Variants in RANBP2 observed in about 807,000 individuals in gnomAD.
The protein encoded by RANBP2 is E3 SUMO-protein ligase RanBP2.
A neutral mutation model predicts 303.6 loss-of-function variants in RANBP2; 57 were observed. That is an observed-to-expected ratio of 0.19 (90% CI 0.15 to 0.23). RANBP2 has a LOEUF of 0.23. Among genes scored for constraint, RANBP2 ranks in the 10% least tolerant of loss-of-function variants. The pLI, the probability that RANBP2 is intolerant of heterozygous loss-of-function variation, is 1.00. For synonymous variants in RANBP2, 1,167 were observed against 1,301.5 expected, an observed-to-expected ratio of 0.90 and a Z score of 2.23; for missense variants, 3,138 against 3,780.8, an observed-to-expected ratio of 0.83 and a Z score of 4.46.
At chr2:109,290,392 C>T in the RANBP2 span, among the ~76,000 whole-genome samples, 1 of 152,206 alleles carries the variant, frequency 6.6e-6, no homozygotes, top group Non-Finnish European at 1.5e-5. Flanking sequence ...ACCATAAATA[C>T]TCAAAGTCCC....
At chr2:109,002,589 CCCAG>C in the RANBP2 span, among the ~76,000 whole-genome samples, 2 of 152,192 alleles carry the variant, frequency 1.3e-5, no homozygotes, top group South Asian at 4.1e-4. Flanking sequence ...CACAACCTGG[CCCAG>C]CCATCTCTCT....
the RANBP2 span, among the ~76,000 whole-genome samples, chr2:109,383,814 A>G: frequency 6.6e-6 from 1 of 152,114 alleles, no homozygotes; most frequent in African/African-American, 2.4e-5. Flanking sequence ...CATCAGCCGC[A>G]TTTTCCAGAC....
the RANBP2 span, among the ~76,000 whole-genome samples, chr2:109,522,907 G>A: frequency 1.3e-5 from 2 of 152,226 alleles, no homozygotes; most frequent in Non-Finnish European, 2.9e-5. Flanking sequence ...CAAAATACTC[G>A]TGTGTTTAGA....
At chr2:108,959,078 G>A in the RANBP2 span, among the ~76,000 whole-genome samples, 3 of 152,224 alleles carry the variant, frequency 2.0e-5, no homozygotes, top group African/African-American at 4.8e-5. Flanking sequence ...CCAGAAAAAC[G>A]TGTATCAACA....
the RANBP2 span, among the ~76,000 whole-genome samples, chr2:109,512,784 C>T: frequency 6.6e-6 from 1 of 152,224 alleles, no homozygotes; most frequent in African/African-American, 2.4e-5. Context: ...CCCTGGGTGC[C>T]CCAAGACCTA....
chr2:109,298,735 T>G, the RANBP2 span, among the ~76,000 whole-genome samples: 1 of 152,140 alleles, frequency 6.6e-6, no homozygotes, highest in African/African-American at 2.4e-5. Context: ...CAGCTCACCC[T>G]GTGAAATATC....
chr2:109,044,077 T>C, the RANBP2 span, among the ~76,000 whole-genome samples: 4 of 152,200 alleles, frequency 2.6e-5, no homozygotes, highest in African/African-American at 9.6e-5. Flanking sequence ...GAAGTGGTTT[T>C]TAACTGTAGT....
the RANBP2 span, chr2:108,794,818 CT>C: frequency 3.1e-6 from 3 of 970,302 alleles, no homozygotes; most frequent in Non-Finnish European, 4.5e-6. Context: ...ATTTTAATTA[CT>C]TTAGATAAGT....
At chr2:108,744,638 A>T (rs1696371209) in intron 7 of RANBP2, among the ~76,000 whole-genome samples, 1 of 152,256 alleles carries the variant, frequency 6.6e-6, no homozygotes, top group African/African-American at 2.4e-5. Context: ...AAAACTTGTG[A>T]GTAAAAGGAT....
chr2:109,319,701 G>A, the RANBP2 span, among the ~76,000 whole-genome samples: 1 of 152,196 alleles, frequency 6.6e-6, no homozygotes, highest in African/African-American at 2.4e-5. Flanking sequence ...AGAGTGCCGT[G>A]CCGGAGCCAA....
chr2:109,688,347 C>T, the RANBP2 span, among the ~76,000 whole-genome samples: 1 of 152,134 alleles, frequency 6.6e-6, no homozygotes, highest in African/African-American at 2.4e-5. Flanking sequence ...GGCTTTGGCT[C>T]TGTGAAGGCT....
chr2:109,128,946 C>A, the RANBP2 span: 2 of 406,142 alleles, frequency 4.9e-6, no homozygotes, highest in Non-Finnish European at 4.9e-6. Context: ...CTTCCCTGAG[C>A]CCCGCAGTGA....
At chr2:108,853,947 A>G in the RANBP2 span, among the ~76,000 whole-genome samples, 1 of 122,224 alleles carries the variant, frequency 8.2e-6, no homozygotes, top group Non-Finnish European at 1.6e-5. Context: ...TATATAATAT[A>G]CAATAAATAT....
At chr2:109,560,040 C>T in the RANBP2 span, among the ~76,000 whole-genome samples, 1 of 151,580 alleles carries the variant, frequency 6.6e-6, no homozygotes, top group Non-Finnish European at 1.5e-5. Flanking sequence ...CCTGCCTCAG[C>T]CTCCCAAGTA....
the RANBP2 span, among the ~76,000 whole-genome samples, chr2:109,577,577 G>A: frequency 1.3e-5 from 2 of 149,586 alleles, no homozygotes; most frequent in Non-Finnish European, 3.0e-5. Flanking sequence ...CAGTGACAGA[G>A]TGAGACTCCA....
the RANBP2 span, among the ~76,000 whole-genome samples, chr2:109,090,926 T>A: frequency 2.6e-5 from 4 of 152,178 alleles, no homozygotes; most frequent in South Asian, 8.3e-4. Flanking sequence ...CCATCAGATG[T>A]TCCTTCCTCC....
the RANBP2 span, among the ~76,000 whole-genome samples, chr2:109,608,305 CCAT>C: frequency 1.3e-5 from 2 of 152,136 alleles, no homozygotes; most frequent in Non-Finnish European, 2.9e-5. Flanking sequence ...TTCAAGGTAT[CCAT>C]CAATATACTC....
the RANBP2 span, among the ~76,000 whole-genome samples, chr2:109,529,319 G>A: frequency 1.8e-4 from 28 of 152,214 alleles, no homozygotes; most frequent in Non-Finnish European, 3.4e-4. Flanking sequence ...AGCCAGGAGT[G>A]CAGAGGAGGA....
the RANBP2 span, among the ~76,000 whole-genome samples, chr2:109,168,168 C>A: frequency 2.6e-5 from 4 of 152,176 alleles, no homozygotes; most frequent in African/African-American, 4.8e-5. Flanking sequence ...GCCAAAACAG[C>A]AATGAAGACT....
Sources: allele counts gnomAD v4.1 joint callset (sites outside exome capture counted in the v4.1 genomes callset), GRCh38; gene constraint gnomAD v4.1.1; transcripts MANE v1.5; gene names NCBI Gene and HGNC (gene_info 2026-07-23, HGNC 2026-07-21).